PCDH11X: variants seen among roughly 807,000 people sequenced by gnomAD.
PCDH11X encodes the protein protocadherin-11 X-linked.
In PCDH11X, 18 loss-of-function variants were observed where a neutral mutation model predicts 53.3. The ratio of observed to expected loss-of-function variants is 0.34; its 90% CI spans 0.23 to 0.50. The LOEUF (loss-of-function observed/expected upper bound fraction) is 0.50, where lower values mean the gene tolerates loss of function less well. Among genes scored for constraint, PCDH11X ranks in the 20% least tolerant of loss-of-function variants. The pLI is 0.98. For synonymous variants in PCDH11X, 279 were observed against 393.3 expected, an observed-to-expected ratio of 0.71 and a Z score of 3.44; for missense variants, 570 against 1,032.4, an observed-to-expected ratio of 0.55 and a Z score of 6.14.
intron 8 of PCDH11X, among the ~76,000 whole-genome samples, chrX:92,381,220 A>G (rs1265844550): frequency 9.2e-6 from 1 of 108,224 alleles, no homozygotes; most frequent in African/African-American, 3.4e-5. Context: ...TATGATGATT[A>G]TAGAACTTCA....
intron 6 of PCDH11X, among the ~76,000 whole-genome samples, chrX:92,196,921 T>TA (rs2066302167): frequency 9.0e-6 from 1 of 111,320 alleles, no homozygotes; most frequent in South Asian, 3.8e-4. Flanking sequence ...TTCATGTTGT[T>TA]AGAGAAGATA....
rs191494390 is a variant in PCDH11X at position 92,301,235 on chromosome X, A to C, written c.3144+38092A>C. ...TGCAGGCACCCCATTTGAGTATTGG[A>C]GGCTAAACTGCAAGTAGGCGTGGCC... is the stretch of plus-strand genomic sequence containing the variant. On this transcript the variant is annotated intron_variant, in intron 8 of 10. Coordinates refer to ENST00000682573, the MANE Select transcript of PCDH11X (RefSeq NM_032968.5). Among the ~76,000 whole-genome samples the C allele has an allele frequency of 2.8e-3, 300 of 108,645 alleles. 1 individual carries two copies. The highest frequency in any genetic ancestry group is 4.4e-3 in the Non-Finnish European group (228 of 52,260). 94.3% of individuals were successfully genotyped at this position (108,645 alleles called of 115,157 possible).
chrX:91,789,088 G>C (rs1935433611), intron 1 of PCDH11X, among the ~76,000 whole-genome samples: 1 of 105,456 alleles, frequency 9.5e-6, no homozygotes, highest in African/African-American at 3.5e-5. Flanking sequence ...TGTACTCCCA[G>C]CTACTCGGGA....
intron 6 of PCDH11X, among the ~76,000 whole-genome samples, chrX:92,179,902 A>T (rs1023357358): frequency 8.1e-5 from 9 of 111,674 alleles, no homozygotes; most frequent in Non-Finnish European, 1.7e-4. Context: ...ATCTCACTTG[A>T]TCTACCTGCA....
At chrX:92,288,031 A>G in intron 8 of PCDH11X, 1 of 514,605 alleles carries the variant, frequency 1.9e-6, no homozygotes, top group Non-Finnish European at 3.5e-6. Flanking sequence ...CCCTAGAAGC[A>G]TAAACCTGTA....
chrX:92,240,972 T>C (rs1013897956), intron 7 of PCDH11X, among the ~76,000 whole-genome samples: 4 of 111,248 alleles, frequency 3.6e-5, no homozygotes, highest in Admixed American at 1.9e-4. Flanking sequence ...TCAGCAAAAA[T>C]TTTGAAATTG....
intron 6 of PCDH11X, among the ~76,000 whole-genome samples, chrX:92,143,859 G>C (rs1328175137): frequency 9.0e-6 from 1 of 111,475 alleles, no homozygotes; most frequent in South Asian, 3.8e-4. Context: ...ATGCCAGTCC[G>C]TGAAAGCAGC....
In PCDH11X at chrX:92,287,720, T is replaced by C. The variant is rs770329965; in HGVS notation, c.3144+24577T>C. 9.0e-4 allele frequency among the ~76,000 whole-genome samples: 101 copies of C among 112,031 alleles called. 1 individual carries two copies. In the South Asian group the frequency reaches 0.014, roughly 16 times the overall value. On this transcript the variant is annotated intron_variant, in intron 8 of 10. Coordinates refer to ENST00000682573, the MANE Select transcript of PCDH11X (RefSeq NM_032968.5). ...TCTTTAGGCTTCGCACGCTAATAAA[T>C]TGATAGCTAGCTAATTCTACTAAAA...
At chrX:91,866,365 C>A (rs1352761205) in intron 5 of PCDH11X, among the ~76,000 whole-genome samples, 1 of 110,866 alleles carries the variant, frequency 9.0e-6, no homozygotes. Context: ...AGACCTAGAG[C>A]ACTTTGGCCC....
At chrX:92,347,093 C>T (rs1476585921) in intron 8 of PCDH11X, among the ~76,000 whole-genome samples, 1 of 111,272 alleles carries the variant, frequency 9.0e-6, no homozygotes, top group Non-Finnish European at 1.9e-5. Context: ...CTTTTATAAC[C>T]TTAAGTATGT....
Position 92,118,075 on chromosome X carries a change from T to A in PCDH11X, c.3034-83300T>A, listed in dbSNP as rs1474516326. Among the ~76,000 whole-genome samples the A allele has an allele frequency of 2.7e-5, 3 of 111,283 alleles. No individual in the cohort carries two copies. In the East Asian group the frequency reaches 8.5e-4, roughly 31 times the overall value. ...GCATACTGCTGTTTTAAAACAGTAG[T>A]CTTAACGGCCACAAATGTTTCATTC... On this transcript the variant is annotated intron_variant, in intron 6 of 10. Transcript: ENST00000682573.
intron 8 of PCDH11X, among the ~76,000 whole-genome samples, chrX:92,353,473 C>T (rs1450005826): frequency 9.0e-6 from 1 of 110,566 alleles, no homozygotes; most frequent in Non-Finnish European, 1.9e-5. Flanking sequence ...TTCTTATAAA[C>T]TATTCCATCA....
chrX:92,348,912 G>A (rs999275763), intron 8 of PCDH11X, among the ~76,000 whole-genome samples: 8 of 104,210 alleles, frequency 7.7e-5, no homozygotes, highest in African/African-American at 1.4e-4. Flanking sequence ...CCTGACAGCA[G>A]TCAAAATTTT....
At chrX:91,816,332 A>G (rs1385680304) in intron 4 of PCDH11X, among the ~76,000 whole-genome samples, 1 of 109,595 alleles carries the variant, frequency 9.1e-6, no homozygotes, top group African/African-American at 3.5e-5. Context: ...CATAAGAAAT[A>G]GCAATGAATT....
chrX:92,368,599 G>A lies in PCDH11X; in HGVS notation c.3145-19136G>A, dbSNP rs754638817. 5.4e-5 allele frequency among the ~76,000 whole-genome samples: 6 copies of A among 111,834 alleles called. 1 individual carries two copies. The East Asian group carries it at 1.1e-3, about 21-fold the overall frequency. ...CATTCTGGTATTTGGAATTTTCAGC[G>A]TTTCTGTGCTGGTTTTTCCTCACCT... On this transcript the variant is annotated intron_variant, in intron 8 of 10. Transcript: ENST00000682573.
At chrX:92,459,275 CAT>C (rs1180173208) in intron 9 of PCDH11X, among the ~76,000 whole-genome samples, 1 of 51,117 alleles carries the variant, frequency 2.0e-5, no homozygotes, top group Non-Finnish European at 3.6e-5. Flanking sequence ...TTTTATTCAA[CAT>C]AGTTCTCTAC....
At chrX:92,340,099 T>G (rs6522526) in intron 8 of PCDH11X, among the ~76,000 whole-genome samples, 7 of 110,410 alleles carry the variant, frequency 6.3e-5, no homozygotes, top group Non-Finnish European at 1.1e-4. Flanking sequence ...ACCATCAGGA[T>G]GGTCATTAAA....
At chrX:92,266,512 G>T (rs1296815455) in intron 8 of PCDH11X, among the ~76,000 whole-genome samples, 2 of 111,626 alleles carry the variant, frequency 1.8e-5, no homozygotes, top group Non-Finnish European at 3.8e-5. Context: ...TTTCAAATCA[G>T]AGGTTTAAGT....
chrX:92,195,485 C>G (rs2066277968), intron 6 of PCDH11X, among the ~76,000 whole-genome samples: 1 of 111,378 alleles, frequency 9.0e-6, no homozygotes, highest in Non-Finnish European at 1.9e-5. Context: ...TTGGGTCTAA[C>G]TACATCCAGA....
Sources: gnomAD v4.1 joint callset for allele counts (sites outside exome capture counted in the v4.1 genomes callset) on GRCh38, gnomAD v4.1.1 for gene constraint, MANE v1.5 for transcripts, NCBI Gene and HGNC (gene_info 2026-07-23, HGNC 2026-07-21) for gene names.